The following UPRT variants were observed in gnomAD, a reference collection of about 807,000 sequenced individuals.
UPRT encodes RP11-311P8.3.
A neutral mutation model predicts 22.6 loss-of-function variants in UPRT; 5 were observed. That is an observed-to-expected ratio of 0.22 (90% CI 0.12 to 0.47). UPRT has a LOEUF of 0.47. UPRT is among the 20% of genes least tolerant of loss of function. The probability of loss-of-function intolerance (pLI) is 0.99; values close to 1 mark genes in which losing one functional copy is unlikely to be tolerated. For missense variants in UPRT, 181 were observed against 239.9 expected, an observed-to-expected ratio of 0.75 and a Z score of 1.62; for synonymous variants, 77 against 87.7, an observed-to-expected ratio of 0.88 and a Z score of 0.68.
intron 4 of UPRT, among the ~76,000 whole-genome samples, chrX:75,176,896 T>C (rs1362187527): frequency 1.8e-5 from 2 of 111,340 alleles, no homozygotes; most frequent in African/African-American, 6.5e-5. Context: ...GTGGCCATTT[T>C]TCCCCATCAG....
rs35651743 is a variant in UPRT, at chrX:75,159,770, ATTTTTTTT to A, written c.-736-763_-736-756del. On this transcript the variant is annotated intron_variant, in intron 1 of 13. Coordinates refer to the UPRT transcript ENST00000652605. ...TAAGATTTTATGATACTTGCCTTAA[ATTTTTTTT>A]TTTTTTTTTTTTTTTTGAGATGGAG... Among the ~76,000 whole-genome samples the A allele has an allele frequency of 1.4e-3, 67 of 46,325 alleles. 2 individuals are homozygous for A. In the South Asian group the frequency reaches 0.093, roughly 65 times the overall value. The allele number at this position is 46,325 out of a possible 115,157, so 40.2% of individuals were successfully genotyped here. A position where few individuals can be genotyped will look rare whatever the true frequency, so the allele number is the denominator to read the frequency against.
At chrX:75,262,516 G>T (rs368069673) in intron 4 of UPRT, among the ~76,000 whole-genome samples, 1 of 110,893 alleles carries the variant, frequency 9.0e-6, no homozygotes, top group South Asian at 3.8e-4. Flanking sequence ...AAGACCCATC[G>T]GTGTGCTGTA....
At position 75,303,309 on chromosome X, in the gene UPRT, C is replaced by A. The variant is rs959631824; in HGVS notation, c.824-96C>A. 1.2e-5 allele frequency: 7 copies of A among 585,540 alleles called. No individual in the cohort carries two copies. The African/African-American group carries it at 1.4e-4, about 12-fold the overall frequency. 48.3% of individuals were successfully genotyped at this position (585,540 alleles called of 1,213,427 possible). A position where few individuals can be genotyped will look rare whatever the true frequency, so the allele number is the denominator to read the frequency against. Reference sequence around the variant, plus strand: ...CAAAGATCATTGCTCTCTGTCTTCTCTCAATTTTAGACCTAGTGGCAATAA... The same window carrying A: ...CAAAGATCATTGCTCTCTGTCTTCTATCAATTTTAGACCTAGTGGCAATAA... On this transcript the variant is annotated intron_variant, in intron 6 of 6. Transcript: ENST00000373383.
chrX:75,173,711 C>G (rs2082237616), intron 4 of UPRT, among the ~76,000 whole-genome samples: 1 of 112,303 alleles, frequency 8.9e-6, no homozygotes, highest in Non-Finnish European at 1.9e-5. Flanking sequence ...GAGGCTTAGG[C>G]ATGGCAGACT....
chrX:75,229,413 T>C (rs975938074), intron 4 of UPRT, among the ~76,000 whole-genome samples: 2 of 111,942 alleles, frequency 1.8e-5, no homozygotes, highest in African/African-American at 6.5e-5. Flanking sequence ...GATATACATT[T>C]AAAAAATACC....
chrX:75,304,071 C>T lies in UPRT; in HGVS notation c.*560C>T, dbSNP rs1274213004. On this transcript the variant is annotated 3_prime_UTR_variant, in exon 7 of 7. Coordinates refer to ENST00000373383, the MANE Select transcript of UPRT (RefSeq NM_145052.4). ...CTAGGATGTATGGTTAACTCTCAGG[C>T]CATTATGTTTTTCATGGCTCATTTC... 1 of 112,277 alleles carries T rather than the reference C, an allele frequency of 8.9e-6. No individual in the cohort carries two copies. The highest frequency in any genetic ancestry group is 3.2e-5 in the African/African-American group (1 of 30,857). The allele number at this position is 112,277 out of a possible 1,213,427, so 9.3% of individuals were successfully genotyped here.
chrX:75,259,207 C>A (rs772292802), intron 4 of UPRT, among the ~76,000 whole-genome samples: 3 of 110,606 alleles, frequency 2.7e-5, no homozygotes, highest in Non-Finnish European at 5.7e-5. Flanking sequence ...AACCAAAATG[C>A]CTCTACTCCT....
chrX:75,237,414 A>T (rs1214557707), intron 4 of UPRT, among the ~76,000 whole-genome samples: 1 of 111,879 alleles, frequency 8.9e-6, no homozygotes, highest in Non-Finnish European at 1.9e-5. Flanking sequence ...ATCTAGAACT[A>T]GAAATACCAT....
chrX:75,293,636 C>T, intron 2 of UPRT, 122 bp downstream of exon 2: 1 of 694,527 alleles, frequency 1.4e-6, no homozygotes. Context: ...AAGTAACCAT[C>T]ATCTTGCTAG....
At chrX:75,302,345 G>A (rs929576943) in intron 6 of UPRT, among the ~76,000 whole-genome samples, 3 of 111,434 alleles carry the variant, frequency 2.7e-5, no homozygotes, top group Non-Finnish European at 5.7e-5. Context: ...GAATAGAAAA[G>A]CACTCTTTTT....
intron 4 of UPRT, among the ~76,000 whole-genome samples, chrX:75,217,812 G>T (rs1410595424): frequency 8.9e-6 from 1 of 112,265 alleles, no homozygotes; most frequent in African/African-American, 3.2e-5. Flanking sequence ...AATAAATGGT[G>T]CTGGGAAAAC....
intron 3 of UPRT, 29 bp from the exon 4 acceptor site, chrX:75,297,462 A>G (rs1569285744): frequency 8.3e-7 from 1 of 1,198,885 alleles, no homozygotes; most frequent in East Asian, 3.0e-5. Flanking sequence ...GTGATGAAAG[A>G]TAAATTCTTT....
At chrX:75,218,805 G>A (rs1329021735) in intron 4 of UPRT, among the ~76,000 whole-genome samples, 18 of 107,395 alleles carry the variant, frequency 1.7e-4, no homozygotes, top group African/African-American at 4.4e-4. Context: ...ACCAAACACC[G>A]CATATTCTCA....
chrX:75,250,694 C>G (rs757822693), intron 4 of UPRT, among the ~76,000 whole-genome samples: 1 of 111,249 alleles, frequency 9.0e-6, no homozygotes, highest in South Asian at 3.8e-4. Context: ...AGAGGGAATC[C>G]TCCCTAACTC....
At chrX:75,207,929 ATT>A (rs1450173251) in intron 4 of UPRT, among the ~76,000 whole-genome samples, 2 of 111,522 alleles carry the variant, frequency 1.8e-5, no homozygotes, top group Non-Finnish European at 3.8e-5. Flanking sequence ...TACTGGGACC[ATT>A]TTAGGCACTT....
rs186323941 is a variant in UPRT, at chrX:75,247,577, G to A, written c.-446-43447G>A. Among the ~76,000 whole-genome samples the A allele has an allele frequency of 3.0e-3, 334 of 112,488 alleles. 1 individual carries two copies. The highest frequency in any genetic ancestry group is 0.01 in the African/African-American group (313 of 31,022). ...GAGGCTTGACTAGGTAAACAAAGCC[G>A]CCAAGCTCGAACTGGGTGGAGCCCA... is the stretch of plus-strand genomic sequence containing the variant. On this transcript the variant is annotated intron_variant, in intron 4 of 13. Transcript: ENST00000652605.
chrX:75,250,642 G>A (rs1008350808), intron 4 of UPRT, among the ~76,000 whole-genome samples: 25 of 111,212 alleles, frequency 2.2e-4, no homozygotes, highest in Non-Finnish European at 3.8e-4. Flanking sequence ...ACAAGGAGGA[G>A]CTGGTACCAT....
intron 4 of UPRT, among the ~76,000 whole-genome samples, chrX:75,203,328 A>T (rs1345286171): frequency 9.0e-6 from 1 of 111,148 alleles, no homozygotes; most frequent in Non-Finnish European, 1.9e-5. Flanking sequence ...AGAGACTCAG[A>T]CTCCCATACA....
chrX:75,238,982 A>G (rs1400479971), intron 4 of UPRT, among the ~76,000 whole-genome samples: 3 of 111,747 alleles, frequency 2.7e-5, no homozygotes, highest in Non-Finnish European at 5.6e-5. Flanking sequence ...AGAAAAGTTC[A>G]TAGTATTAAA....
Sources: gnomAD v4.1 joint callset for allele counts (sites outside exome capture counted in the v4.1 genomes callset) on GRCh38, gnomAD v4.1.1 for gene constraint, MANE v1.5 for transcripts, NCBI Gene and HGNC (gene_info 2026-07-23, HGNC 2026-07-21) for gene names.